Variants in NFIB observed in about 807,000 individuals in gnomAD.
The protein encoded by NFIB is nuclear factor 1 B-type.
NFIB carries 11 observed loss-of-function variants against 61.5 expected under a neutral mutation model. The ratio of observed to expected loss-of-function variants is 0.18; its 90% CI spans 0.11 to 0.30. The LOEUF (loss-of-function observed/expected upper bound fraction) is 0.30. NFIB is among the 10% of genes least tolerant of loss of function. The pLI is 1.00. For synonymous variants in NFIB, 260 were observed against 216.5 expected (o/e 1.20, Z -1.76); for missense variants, 471 against 608.9 (o/e 0.77, Z 2.38).
chr9:14,115,458 A>C (rs1293490075), intron 9 of NFIB, among the ~76,000 whole-genome samples: 1 of 152,180 alleles, frequency 6.6e-6, no homozygotes, highest in Non-Finnish European at 1.5e-5. Flanking sequence ...AATTTCTTCT[A>C]TACTTCTAAG....
chr9:14,126,484 A>C (rs1161182255), intron 6 of NFIB, among the ~76,000 whole-genome samples: 1 of 152,250 alleles, frequency 6.6e-6, no homozygotes, highest in Non-Finnish European at 1.5e-5. Flanking sequence ...ATATCGTCTC[A>C]GTCTCCCCAG....
At chr9:14,442,129 G>C in the NFIB span, among the ~76,000 whole-genome samples, 1 of 152,092 alleles carries the variant, frequency 6.6e-6, no homozygotes, top group Non-Finnish European at 1.5e-5. Flanking sequence ...GCCAGGGCTG[G>C]GACTGGAGCC....
At chr9:14,348,123 G>A (rs1190746069) in intron 1 of NFIB, among the ~76,000 whole-genome samples, 1 of 152,226 alleles carries the variant, frequency 6.6e-6, no homozygotes, top group Non-Finnish European at 1.5e-5. Context: ...GAAATGTGGT[G>A]CGCCCTCTGG....
chr9:14,143,068 CT>C (rs751821943), intron 6 of NFIB, among the ~76,000 whole-genome samples: 13 of 152,004 alleles, frequency 8.6e-5, no homozygotes, highest in Admixed American at 8.5e-4. Context: ...ATATAGCCCC[CT>C]ACCAAATGCT....
intron 2 of NFIB, among the ~76,000 whole-genome samples, chr9:14,223,430 A>C (rs2051959946): frequency 6.6e-6 from 1 of 152,212 alleles, no homozygotes; most frequent in Non-Finnish European, 1.5e-5. Flanking sequence ...TAATTTTAGC[A>C]AGTCCAATTC....
At chr9:14,277,209 A>G (rs1429842232) in intron 2 of NFIB, among the ~76,000 whole-genome samples, 1 of 152,226 alleles carries the variant, frequency 6.6e-6, no homozygotes, top group Non-Finnish European at 1.5e-5. Context: ...TTTGCTTTCT[A>G]CAATTCAGAA....
chr9:14,487,175 C>T, the NFIB span, among the ~76,000 whole-genome samples: 1 of 152,136 alleles, frequency 6.6e-6, no homozygotes, highest in African/African-American at 2.4e-5. Context: ...TGGATTCAGA[C>T]AAGGTTTGAG....
the NFIB span, among the ~76,000 whole-genome samples, chr9:14,411,727 AAAC>A: frequency 2.6e-5 from 4 of 152,126 alleles, no homozygotes; most frequent in Non-Finnish European, 5.9e-5. Context: ...AGTCCCCAAT[AAAC>A]CCCCATCCTG....
chr9:14,342,501 G>GA (rs1165702327), intron 1 of NFIB, among the ~76,000 whole-genome samples: 1 of 151,574 alleles, frequency 6.6e-6, no homozygotes, highest in East Asian at 1.9e-4. Flanking sequence ...GGAAAGAAGA[G>GA]AAAAAAGAAA....
chr9:14,315,311 C>G (rs2060490102), upstream of NFIB, among the ~76,000 whole-genome samples: 1 of 151,174 alleles, frequency 6.6e-6, no homozygotes, highest in Non-Finnish European at 1.5e-5. Flanking sequence ...CCCGGGGGTG[C>G]CCCGTGCACG....
intron 2 of NFIB, among the ~76,000 whole-genome samples, chr9:14,213,950 AG>A (rs148482196): frequency 0.091 from 13,854 of 152,112 alleles, 2,118 homozygotes; most frequent in African/African-American, 0.31. Context: ...TCCAAATTTA[AG>A]GGGGGAAGAG....
intron 2 of NFIB, among the ~76,000 whole-genome samples, chr9:14,284,918 G>T (rs1980687): frequency 0.85 from 129,423 of 152,072 alleles, 55,655 homozygotes; most frequent in Non-Finnish European, 0.92. Flanking sequence ...CATTTTATTT[G>T]CCCTATGTAG....
the NFIB span, among the ~76,000 whole-genome samples, chr9:14,508,698 C>T: frequency 6.6e-6 from 1 of 152,196 alleles, no homozygotes; most frequent in African/African-American, 2.4e-5. Context: ...GATGGTCCGG[C>T]TACATGCCTC....
chr9:14,176,256 TA>T (rs58705977), intron 3 of NFIB, among the ~76,000 whole-genome samples: 6,685 of 131,262 alleles, frequency 0.051, 259 homozygotes, highest in African/African-American at 0.12. Flanking sequence ...ATTAACTTGT[TA>T]AAAAAAAAAA....
intron 1 of NFIB, among the ~76,000 whole-genome samples, chr9:14,343,723 AG>A (rs1318627860): frequency 8.4e-5 from 12 of 142,288 alleles, no homozygotes; most frequent in African/African-American, 2.9e-4. Flanking sequence ...GACAGGGAGG[AG>A]GGGGCTGGCC....
chr9:14,221,457 G>T (rs542427008), intron 2 of NFIB, among the ~76,000 whole-genome samples: 80 of 152,224 alleles, frequency 5.3e-4, no homozygotes, highest in African/African-American at 1.9e-3. Flanking sequence ...ATTATTATTA[G>T]CTCCATTTTA....
At chr9:14,462,299 TTCA>T in the NFIB span, among the ~76,000 whole-genome samples, 1 of 152,068 alleles carries the variant, frequency 6.6e-6, no homozygotes, top group Non-Finnish European at 1.5e-5. Context: ...TTCTTTTTTT[TTCA>T]GACAGAGTCT....
intron 10 of NFIB, among the ~76,000 whole-genome samples, chr9:14,105,551 G>C (rs918929387): frequency 6.6e-6 from 1 of 151,792 alleles, no homozygotes; most frequent in Non-Finnish European, 1.5e-5. Flanking sequence ...AAACCTTCTT[G>C]GTCATAAAGC....
intron 8 of NFIB, among the ~76,000 whole-genome samples, chr9:14,116,558 C>T (rs978503498): frequency 2.0e-5 from 3 of 152,232 alleles, no homozygotes; most frequent in African/African-American, 7.2e-5. Context: ...CTTCAAAGCA[C>T]GTCATGGTAT....
Sources: gnomAD v4.1 joint callset for allele counts (sites outside exome capture counted in the v4.1 genomes callset) on GRCh38, gnomAD v4.1.1 for gene constraint, MANE v1.5 for transcripts, NCBI Gene and HGNC (gene_info 2026-07-23, HGNC 2026-07-21) for gene names.